EPB41L4A: variants seen among roughly 807,000 people sequenced by gnomAD.
EPB41L4A encodes the protein band 4.1-like protein 4A.
A neutral mutation model predicts 108.6 loss-of-function variants in EPB41L4A; 100 were observed. That is an observed-to-expected ratio of 0.92 (90% CI 0.78 to 1.09). EPB41L4A has a LOEUF of 1.09. EPB41L4A is among the 50% of genes least tolerant of loss of function. EPB41L4A has a pLI of 0.00. For synonymous variants in EPB41L4A, 319 were observed against 289.0 expected (o/e 1.10, Z -1.05); for missense variants, 1,030 against 842.7 (o/e 1.22, Z -2.75).
At chr5:112,339,278 T>C (rs1164592664) in intron 1 of EPB41L4A, among the ~76,000 whole-genome samples, 1 of 151,930 alleles carries the variant, frequency 6.6e-6, no homozygotes, top group African/African-American at 2.4e-5. Context: ...GTCAGGCTCC[T>C]TGACAAGGTC....
chr5:112,281,167 A>G (rs1254931366), intron 2 of EPB41L4A, among the ~76,000 whole-genome samples: 1 of 152,216 alleles, frequency 6.6e-6, no homozygotes, highest in Non-Finnish European at 1.5e-5. Context: ...AATAGCCCCT[A>G]GCTCAGGCTA....
At position 112,251,260 on chromosome 5, in the gene EPB41L4A, G is replaced by T. The variant is rs187254566; in HGVS notation, c.795+7969C>A. On this transcript the variant is annotated intron_variant, in intron 9 of 22. Transcript: ENST00000261486. The stretch of plus-strand genomic sequence containing the variant: ...AAAACTACATAAGTACTTACCCTAT[G>T]ACCTAGCAATCCCACTACTGGGAAT... Among the ~76,000 whole-genome samples the T allele has an allele frequency of 1.4e-3, 220 of 152,248 alleles. 4 individuals carry two copies. Among genetic ancestry groups the T allele is most frequent in the Non-Finnish European group, 4.3e-4 (29 of 68,018 alleles).
chr5:112,190,058 G>A (rs891607576), intron 17 of EPB41L4A, among the ~76,000 whole-genome samples: 3 of 152,126 alleles, frequency 2.0e-5, no homozygotes, highest in Admixed American at 2.0e-4. Context: ...TCAGGGACGA[G>A]ATTCAAAATT....
At chr5:112,290,901 C>A (rs1753599244) in intron 2 of EPB41L4A, among the ~76,000 whole-genome samples, 1 of 152,162 alleles carries the variant, frequency 6.6e-6, no homozygotes, top group Non-Finnish European at 1.5e-5. Context: ...CCAGCATGTA[C>A]AATTCACATG....
chr5:112,261,050 C>A (rs1257023038), intron 7 of EPB41L4A, among the ~76,000 whole-genome samples: 1 of 143,848 alleles, frequency 7.0e-6, no homozygotes, highest in Non-Finnish European at 1.5e-5. Flanking sequence ...GGAAAGTTTT[C>A]TTTTAAAAAC....
chr5:112,194,802 C>T (rs1761881408), intron 16 of EPB41L4A, 157 bp from the exon 17 acceptor site: 1 of 504,724 alleles, frequency 2.0e-6, no homozygotes, highest in African/African-American at 2.0e-5. Context: ...GTCAGTGTTT[C>T]TGAACTCAGT....
intron 22 of EPB41L4A, among the ~76,000 whole-genome samples, chr5:112,167,051 T>C (rs546353721): frequency 2.4e-4 from 37 of 151,646 alleles, no homozygotes; most frequent in African/African-American, 8.5e-4. Flanking sequence ...ACTTAGAATA[T>C]GTGTAAGTTT....
intron 1 of EPB41L4A, among the ~76,000 whole-genome samples, chr5:112,397,419 A>T (rs572228386): frequency 6.6e-6 from 1 of 152,356 alleles, no homozygotes; most frequent in African/African-American, 2.4e-5. Context: ...GTATCTACTA[A>T]GCACCAAACT....
intron 1 of EPB41L4A, among the ~76,000 whole-genome samples, chr5:112,387,847 A>C (rs895787656): frequency 1.9e-4 from 29 of 152,220 alleles, no homozygotes; most frequent in Admixed American, 1.8e-3. Context: ...AATCATATTA[A>C]AGAGAAAAAA....
rs1000675702 is a variant in EPB41L4A at position 112,217,035 on chromosome 5, C to T, written c.1088-7053G>A. Among the ~76,000 whole-genome samples the T allele has an allele frequency of 3.3e-5, 5 of 151,890 alleles. No homozygotes were observed. The South Asian group carries it at 1.0e-3, about 32-fold the overall frequency. On this transcript the variant is annotated intron_variant, in intron 12 of 22. Transcript: ENST00000261486. The stretch of plus-strand genomic sequence containing the variant: ...CACCCACTCACTGCAACCACAGTCT[C>T]CCAGGTTCAAGCGATTCTACCATCT...
chr5:112,175,530 T>G (rs939643431), intron 18 of EPB41L4A: 2 of 152,204 alleles, frequency 1.3e-5, no homozygotes, highest in African/African-American at 4.8e-5. Context: ...TGAATAATGG[T>G]GTATCATAAC....
intron 18 of EPB41L4A, among the ~76,000 whole-genome samples, chr5:112,180,598 C>T (rs532297496): frequency 5.5e-4 from 81 of 148,458 alleles, no homozygotes; most frequent in Non-Finnish European, 9.6e-4. Context: ...GATAAAGCTG[C>T]TAGAAAAAGA....
intron 1 of EPB41L4A, among the ~76,000 whole-genome samples, chr5:112,374,939 A>G (rs962048953): frequency 3.9e-5 from 6 of 152,192 alleles, no homozygotes; most frequent in African/African-American, 1.4e-4. Flanking sequence ...CCACAAGGTG[A>G]TGTTCAACAT....
intron 1 of EPB41L4A, among the ~76,000 whole-genome samples, chr5:112,329,066 G>T (rs10037499): frequency 6.6e-6 from 1 of 152,098 alleles, no homozygotes; most frequent in Admixed American, 6.5e-5. Context: ...AGTCCGATAC[G>T]GTAGCCACTA....
chr5:112,176,470 A>C (rs1362036678), intron 18 of EPB41L4A, among the ~76,000 whole-genome samples: 3 of 152,086 alleles, frequency 2.0e-5, no homozygotes, highest in African/African-American at 7.2e-5. Context: ...TCCCCCCCAA[A>C]ACATTCCTGG....
intron 1 of EPB41L4A, among the ~76,000 whole-genome samples, chr5:112,319,268 C>T (rs1383007403): frequency 1.3e-5 from 2 of 151,008 alleles, no homozygotes; most frequent in Non-Finnish European, 3.0e-5. Flanking sequence ...TGAACAACAA[C>T]AAAAAAAATG....
chr5:112,306,468 A>T (rs1365540884), intron 2 of EPB41L4A, among the ~76,000 whole-genome samples: 1 of 152,158 alleles, frequency 6.6e-6, no homozygotes, highest in African/African-American at 2.4e-5. Context: ...GTCACAAGTG[A>T]TCACCATCAA....
intron 1 of EPB41L4A, among the ~76,000 whole-genome samples, chr5:112,361,153 A>G (rs1175250627): frequency 6.6e-6 from 1 of 151,912 alleles, no homozygotes. Context: ...GACATAGGAG[A>G]CTCCATTTTG....
intron 1 of EPB41L4A, among the ~76,000 whole-genome samples, chr5:112,334,951 G>C (rs1174300292): frequency 1.3e-5 from 2 of 152,140 alleles, no homozygotes; most frequent in South Asian, 4.1e-4. Flanking sequence ...CTTTAGGAGA[G>C]AACACAACTT....
Sources: gnomAD v4.1 joint callset for allele counts (sites outside exome capture counted in the v4.1 genomes callset) on GRCh38, gnomAD v4.1.1 for gene constraint, MANE v1.5 for transcripts, NCBI Gene and HGNC (gene_info 2026-07-23, HGNC 2026-07-21) for gene names.